AP4M1: variants seen among roughly 807,000 people sequenced by gnomAD.
The protein encoded by AP4M1 is adaptor related protein complex 4 subunit mu 1, also known as AP-4 complex subunit mu-1.
AP4M1 carries 58 observed loss-of-function variants against 62.4 expected under a neutral mutation model. The observed-to-expected ratio is 0.93, with a 90% confidence interval of 0.75 to 1.16. AP4M1 has a LOEUF of 1.16. Ranked by LOEUF, AP4M1 falls within the 50% of genes most tolerant of loss-of-function variation. The probability of loss-of-function intolerance (pLI) is 0.00; values close to 1 mark genes in which losing one functional copy is unlikely to be tolerated. For missense variants in AP4M1, 626 were observed against 585.4 expected (o/e 1.07, Z -0.72); for synonymous variants, 290 against 239.7 (o/e 1.21, Z -1.94).
chr7:100,105,567 T>C, intron 11 of AP4M1, 28 bp downstream of exon 11: 1 of 1,542,560 alleles, frequency 6.5e-7, no homozygotes. Flanking sequence ...GTTCTAGAAC[T>C]ACCTTGGAAC....
chr7:100,107,886 C>T lies in AP4M1; in HGVS notation c.*1004C>T. ...CTCCCCAGGGTGCTCTGAGGTAACCCAGGCCCTCCAGATGCTCCCTGTCCC... is the reference window on the plus strand; with the variant it reads ...CTCCCCAGGGTGCTCTGAGGTAACCTAGGCCCTCCAGATGCTCCCTGTCCC... On this transcript the variant is annotated 3_prime_UTR_variant, in exon 15 of 15. Transcript: ENST00000359593. 6.4e-7 allele frequency: 1 copy of T among 1,569,078 alleles called. No homozygotes were observed. Among genetic ancestry groups the T allele is most frequent in the Non-Finnish European group, 8.7e-7 (1 of 1,154,344 alleles).
At position 100,102,651 on chromosome 7, in the gene AP4M1, C is replaced by G. The variant is rs41280962; in HGVS notation, c.148-24C>G. ...CTCCACCTCCCTTTTTTTAACGCCT[C>G]TCTTCTCCCTGCCTGTGTCTCAGCA... On this transcript the variant is annotated intron_variant, in intron 2 of 14. Transcript: ENST00000359593. The G allele has an allele frequency of 0.043, 69,803 of 1,609,852 alleles. 1,609 individuals are homozygous for G. The highest frequency in any genetic ancestry group is 0.055 in the Middle Eastern group (334 of 6,040).
chr7:100,103,051 C>T (rs1214328091), intron 4 of AP4M1, 91 bp downstream of exon 4: 17 of 902,306 alleles, frequency 1.9e-5, no homozygotes, highest in Non-Finnish European at 3.4e-6. Flanking sequence ...GGTTAGGAGG[C>T]CAAGTCTACC....
In AP4M1 at chr7:100,107,111, G is replaced by T. The variant is rs540837294; in HGVS notation, c.*229G>T. 2.9e-5 allele frequency: 39 copies of T among 1,346,506 alleles called. No individual in the cohort carries two copies. The African/African-American group carries it at 5.3e-4, about 18-fold the overall frequency. The allele number at this position is 1,346,506 out of a possible 1,614,324, so 83.4% of individuals were successfully genotyped here. On this transcript the variant is annotated 3_prime_UTR_variant, in exon 15 of 15. Coordinates refer to ENST00000359593, the MANE Select transcript of AP4M1 (RefSeq NM_004722.4). Reference sequence around the variant, plus strand: ...AAACTTTTATTCTGAGAAACTGGCTGTACAATATCTAAAAAGAAAGTGACA... The same window carrying T: ...AAACTTTTATTCTGAGAAACTGGCTTTACAATATCTAAAAAGAAAGTGACA...
intron 2 of AP4M1, 87 bp downstream of exon 2, chr7:100,102,055 G>A: frequency 6.9e-7 from 1 of 1,444,700 alleles, no homozygotes; most frequent in South Asian, 1.2e-5. Flanking sequence ...TTCATTGGTA[G>A]ATTCCACTTG....
chr7:100,102,543 TG>T, intron 2 of AP4M1, 131 bp from the exon 3 acceptor site: 1 of 765,256 alleles, frequency 1.3e-6, no homozygotes. Context: ...CCCAGGCATA[TG>T]TCATGTATCT....
chr7:100,103,976 C>G, intron 6 of AP4M1, 116 bp from the exon 7 acceptor site: 1 of 907,922 alleles, frequency 1.1e-6, no homozygotes, highest in South Asian at 1.4e-5. Flanking sequence ...CCTTCCATCA[C>G]CCATGTCCTC....
chr7:100,100,866 C>A, upstream of AP4M1: 10 of 1,037,544 alleles, frequency 9.6e-6, no homozygotes, highest in Non-Finnish European at 1.2e-5. Context: ...GCCCCCGGGG[C>A]CTACGCGCGC....
At chr7:100,105,869 C>T in intron 11 of AP4M1, 90 bp from the exon 12 acceptor site, 3 of 1,466,318 alleles carry the variant, frequency 2.0e-6, no homozygotes, top group Non-Finnish European at 2.9e-6. Flanking sequence ...AGCCCACACC[C>T]ACACAGCCCC....
chr7:100,106,359 T>C, intron 13 of AP4M1, 44 bp from the exon 14 acceptor site: 1 of 1,612,578 alleles, frequency 6.2e-7, no homozygotes, highest in African/African-American at 1.3e-5. Flanking sequence ...CGGGTCTGCC[T>C]CAAGAAGGTG....
intron 7 of AP4M1, 111 bp downstream of exon 7, chr7:100,104,265 C>T: frequency 1.0e-6 from 1 of 960,706 alleles, no homozygotes; most frequent in Non-Finnish European, 1.7e-6. Context: ...TGCTTGTAAT[C>T]CCAGTGCTTT....
At chr7:100,102,501 A>G in intron 2 of AP4M1, 174 bp from the exon 3 acceptor site, 1 of 670,878 alleles carries the variant, frequency 1.5e-6, no homozygotes, top group Non-Finnish European at 2.7e-6. Context: ...TAGTTAGTGT[A>G]ATTAACCCCC....
At position 100,108,569 on chromosome 7, in the gene AP4M1, G is replaced by A. The variant is rs1796823861; in HGVS notation, c.*1687G>A. On this transcript the variant is annotated 3_prime_UTR_variant, in exon 15 of 15. Coordinates refer to ENST00000359593, the MANE Select transcript of AP4M1 (RefSeq NM_004722.4). ...CAGAACAGAAAAAAAGCCAGGTAGA[G>A]GGAGGGCTGGGGAAAAAAGCCAGGT... The A allele has an allele frequency of 6.4e-7, 1 of 1,567,146 alleles. No homozygotes were observed. The highest frequency in any genetic ancestry group is 1.4e-5 in the African/African-American group (1 of 73,152).
rs150135687 is a variant in AP4M1, at chr7:100,106,785, G to C, written c.1265G>C (p.Arg422Pro). ...CACACGTGCTCTGGCCTCCAGGTCC[G>C]ATTCCTCAGGCTGGCCTTCAGGCCA... Reference protein sequence around the residue: ...PRHTCSGLQVRFLRLAFRPCG... With the variant: ...PRHTCSGLQVPFLRLAFRPCG... The change falls in exon 15 of 15, where the codon CGA becomes CCA. Residue 422 changes from arginine to proline, a missense_variant. Physicochemically the swap from Arg to Pro is moderately radical, Grantham distance 103. Transcript: ENST00000359593. The C allele has an allele frequency of 1.7e-5, 28 of 1,614,068 alleles. No individual in the cohort carries two copies. The South Asian group carries it at 2.9e-4, about 16-fold the overall frequency.
chr7:100,102,764 C>T lies in AP4M1; in HGVS notation c.237C>T (p.Leu79=). 6.2e-7 allele frequency: 1 copy of T among 1,614,122 alleles called. No individual in the cohort carries two copies. Among genetic ancestry groups the T allele is most frequent in the Non-Finnish European group, 8.5e-7 (1 of 1,179,992 alleles). The change falls in exon 3 of 15, where the codon CTC becomes CTT. Residue 79 remains leucine (L), a synonymous_variant. Coordinates refer to ENST00000359593, the MANE Select transcript of AP4M1 (RefSeq NM_004722.4). The part of the protein sequence containing the change: ...TTSENVSPFS[L]LELLSRLATL... ...CAGAAAACGTTTCTCCCTTCAGCCT[C>T]CTAGAACTGCTCTCCAGGTGAGGAG...
At chr7:100,101,180 C>T, upstream of AP4M1, 2 of 1,554,258 alleles carry the variant, frequency 1.3e-6, no homozygotes, top group Non-Finnish European at 1.8e-6. Context: ...CGACCCCGGT[C>T]CCCCAAGACC....
In AP4M1 at chr7:100,107,845, T is replaced by G; in HGVS notation, c.*963T>G. On this transcript the variant is annotated 3_prime_UTR_variant, in exon 15 of 15. Coordinates refer to ENST00000359593, the MANE Select transcript of AP4M1 (RefSeq NM_004722.4). The stretch of plus-strand genomic sequence containing the variant: ...TTGACTTGGGGCCCAGAGGGGACTG[T>G]GCTCTACTCCTGGGCCTCCCCAGGG... 6.6e-7 allele frequency: 1 copy of G among 1,504,384 alleles called. No homozygotes were observed. Among genetic ancestry groups the G allele is most frequent in the Non-Finnish European group, 9.0e-7 (1 of 1,116,114 alleles). The allele number at this position is 1,504,384 out of a possible 1,614,324, so 93.2% of individuals were successfully genotyped here.
upstream of AP4M1, chr7:100,101,215 C>T (rs1796005452): frequency 6.2e-7 from 1 of 1,610,882 alleles, no homozygotes; most frequent in Non-Finnish European, 8.5e-7. Flanking sequence ...CAGGTGTTCC[C>T]CGGGAGGCTC....
Position 100,106,746 on chromosome 7 carries a change from T to C in AP4M1, c.1226T>C (p.Phe409Ser). The change falls in exon 15 of 15, where the codon TTC becomes TCC. Residue 409 changes from phenylalanine (F) to serine (S), a missense_variant. Physicochemically the swap from Phe to Ser is radical, Grantham distance 155. Coordinates refer to ENST00000359593, the MANE Select transcript of AP4M1 (RefSeq NM_004722.4). ...PLGLGPASLS[F>S]ELPRHTCSGL... ...GGGCTGGGCCCTGCCAGTCTCTCCT[T>C]CGAGCTTCCCCGGCACACGTGCTCT... 6.2e-7 allele frequency: 1 copy of C among 1,614,034 alleles called. No individual in the cohort carries two copies. The highest frequency in any genetic ancestry group is 8.5e-7 in the Non-Finnish European group (1 of 1,180,028).
Sources: gnomAD v4.1 joint callset for allele counts on GRCh38, gnomAD v4.1.1 for gene constraint, MANE v1.5 for transcripts, NCBI Gene and HGNC (gene_info 2026-07-23, HGNC 2026-07-21) for gene names.